Variants in MEGF8 observed in about 807,000 individuals in gnomAD.
MEGF8 encodes the protein multiple epidermal growth factor-like domains protein 8.
In MEGF8, 156 loss-of-function variants were observed where a neutral mutation model predicts 302.9. That is an observed-to-expected ratio of 0.52 (90% confidence interval 0.45 to 0.59). The LOEUF is 0.59. Among genes scored for constraint, MEGF8 ranks in the 20% least tolerant of loss-of-function variants. The probability of loss-of-function intolerance (pLI) is 0.00; values close to 1 mark genes in which losing one functional copy is unlikely to be tolerated. For missense variants in MEGF8, 3,345 were observed against 3,964.5 expected (o/e 0.84, Z 4.20); for synonymous variants, 1,621 against 1,660.5 (o/e 0.98, Z 0.58).
chr19:42,344,649 C>T lies in MEGF8; in HGVS notation c.1934-21C>T. 6.4e-7 allele frequency: 1 copy of T among 1,561,438 alleles called. No homozygotes were observed. The highest frequency in any genetic ancestry group is 8.7e-7 in the Non-Finnish European group (1 of 1,149,904). The stretch of plus-strand genomic sequence containing the variant: ...GAGCACTCCACACTGACCCACCGGC[C>T]CCCACCCCCTGTCTTCTCAGAGCAG... On this transcript the variant is annotated intron_variant, in intron 11 of 41. Transcript: ENST00000251268. The surrounding 1 kb of genome is among the most constrained non-coding windows in gnomAD (Gnocchi z 4.5).
intron 12 of MEGF8, among the ~76,000 whole-genome samples, chr19:42,347,311 C>T (rs1461639512): frequency 6.7e-6 from 1 of 150,328 alleles, no homozygotes; most frequent in Admixed American, 6.6e-5. Context: ...GAAACACTCT[C>T]ATTCTTTTTT....
intron 30 of MEGF8, 69 bp from the exon 31 acceptor site, chr19:42,359,029 G>A (rs2039493769): frequency 2.6e-6 from 4 of 1,550,294 alleles, no homozygotes; most frequent in Non-Finnish European, 3.5e-6. Flanking sequence ...GGTGGCTGGA[G>A]GGCTAAGAGG....
rs1400164468 is a variant in MEGF8 at position 42,356,852 on chromosome 19, C to T, written c.4701C>T (p.Ser1567=). The change falls in exon 27 of 42, where the codon TCC becomes TCT. Residue 1567 remains serine, a synonymous_variant. Transcript: ENST00000251268. The surrounding 1 kb of genome is among the most constrained non-coding windows in gnomAD (Gnocchi z 5.2). ...GGGGCCCAGGCCCATCGCCCCGCTCCTTCCATGCAGCCGCATATGTGCCCG... is the reference window on the plus strand; with the variant it reads ...GGGGCCCAGGCCCATCGCCCCGCTCTTTCCATGCAGCCGCATATGTGCCCG... ...EDGGPGPSPR[S]FHAAAYVPAG... The T allele has an allele frequency of 6.3e-7, 1 of 1,580,004 alleles. No individual in the cohort carries two copies. The highest frequency in any genetic ancestry group is 8.6e-7 in the Non-Finnish European group (1 of 1,163,652).
At chr19:42,346,042 A>G (rs2039284622) in intron 12 of MEGF8, among the ~76,000 whole-genome samples, 1 of 152,138 alleles carries the variant, frequency 6.6e-6, no homozygotes, top group Non-Finnish European at 1.5e-5. Flanking sequence ...CTGGAACTAC[A>G]GGCACTTGCC....
rs1255673005 is a variant in MEGF8, at chr19:42,358,473, G to A, written c.5175+166G>A. ...TCTCCCCCGCTTCCATCCCTGATTT[G>A]GAGGAGAGAACCCGAGGCCAGGAGG... On this transcript the variant is annotated intron_variant, in intron 29 of 41. Transcript: ENST00000251268. This position sits in a 1 kb window ranked among gnomAD's most constrained non-coding sequence, Gnocchi z 4.4. Among the ~76,000 whole-genome samples, 1 of 152,106 alleles carries A rather than the reference G, an allele frequency of 6.6e-6. No homozygotes were observed. The highest frequency in any genetic ancestry group is 1.5e-5 in the Non-Finnish European group (1 of 68,028).
Position 42,362,390 on chromosome 19 carries a change from A to G in MEGF8, c.5851A>G (p.Thr1951Ala). Residue 1951 changes from threonine (T) to alanine (A), a missense_variant, in exon 34 of 42, where the codon ACC becomes GCC. Transcript: ENST00000251268. Reference protein sequence around the residue: ...TLQPGDGEASTPRCKWCTNCP... With the variant: ...TLQPGDGEASAPRCKWCTNCP... ...GCCTGTCTTCCCTCACCAGGCGTCC[A>G]CCCCCCGCTGTAAGTGGTGTACCAA... is the stretch of plus-strand genomic sequence containing the variant. 6.2e-7 allele frequency: 1 copy of G among 1,613,536 alleles called. No individual in the cohort carries two copies. Among genetic ancestry groups the G allele is most frequent in the Non-Finnish European group, 8.5e-7 (1 of 1,179,806 alleles).
Position 42,344,427 on chromosome 19 carries a change from TCTC to T in MEGF8, c.1789-7_1789-5del, listed in dbSNP as rs779507238. 2 of 1,570,512 alleles carry T rather than the reference TCTC, an allele frequency of 1.3e-6. No homozygotes were observed. Among genetic ancestry groups the T allele is most frequent in the South Asian group, 1.1e-5 (1 of 87,858 alleles). ...CCAGTTGACAGTGAGCCCTTTCCCC[TCTC>T]CTCCTCGCAGTGTCCAGCCGCCAGC... On this transcript the variant is annotated splice_polypyrimidine_tract_variant and intron_variant, in intron 10 of 41. Transcript: ENST00000251268. This position sits in a 1 kb window ranked among gnomAD's most constrained non-coding sequence, Gnocchi z 4.5.
Position 42,376,084 on chromosome 19 carries a change from TG to T in MEGF8, c.7848del (p.Leu2617TrpfsTer73). ...AAGTCGAGCCGCTTCTACCTGCTGC[TG>T]CTGGGCGTGGGAGACCCAAGTGGGC... ...ALKSSRFYLL[L>X]LGVGDPSGPG... On this transcript the variant is annotated frameshift_variant, in exon 42 of 42. Transcript: ENST00000251268. LOFTEE classifies it high-confidence loss of function. This position sits in a 1 kb window ranked among gnomAD's most constrained non-coding sequence, Gnocchi z 8.2. 1 of 1,606,172 alleles carries T rather than the reference TG, an allele frequency of 6.2e-7. No homozygotes were observed. The highest frequency in any genetic ancestry group is 8.5e-7 in the Non-Finnish European group (1 of 1,179,570).
chr19:42,342,687 G>T (rs919284775), intron 8 of MEGF8, among the ~76,000 whole-genome samples: 1 of 152,064 alleles, frequency 6.6e-6, no homozygotes, highest in Non-Finnish European at 1.5e-5. Flanking sequence ...AACTGTAGGG[G>T]CTGTCTTCAG....
At chr19:42,330,985 T>C (rs975931669) in intron 1 of MEGF8, among the ~76,000 whole-genome samples, 3 of 151,950 alleles carry the variant, frequency 2.0e-5, no homozygotes, top group Non-Finnish European at 4.4e-5. Flanking sequence ...CCTAGGGTGG[T>C]AGGGAGCCAT....
intron 8 of MEGF8, among the ~76,000 whole-genome samples, chr19:42,342,213 A>G (rs2039224400): frequency 6.6e-6 from 1 of 152,220 alleles, no homozygotes. Flanking sequence ...TACCTGGGCC[A>G]AGTCCCACAC....
rs759863356 is a variant in MEGF8 at position 42,358,993 on chromosome 19, G to A, written c.5343+39G>A. 2.7e-5 allele frequency: 43 copies of A among 1,583,496 alleles called. No individual in the cohort carries two copies. The highest frequency in any genetic ancestry group is 3.6e-5 in the Non-Finnish European group (42 of 1,164,908). ...AGGGTTAGGATTGGGTGGGCTGGTAGGGGGGGATAGGTAGGGAAGTACAGG... is the reference window on the plus strand; with the variant it reads ...AGGGTTAGGATTGGGTGGGCTGGTAAGGGGGGATAGGTAGGGAAGTACAGG... On this transcript the variant is annotated intron_variant, in intron 30 of 41. Transcript: ENST00000251268. The surrounding 1 kb of genome is among the most constrained non-coding windows in gnomAD (Gnocchi z 4.4).
Position 42,368,237 on chromosome 19 carries a change from C to T in MEGF8, c.6274-218C>T, listed in dbSNP as rs765351805. ...CCAGGCAACCTTCCAGTTTCAAGATCCTCCCCAGCCTGACTTCCCGCCTTG... is the reference window on the plus strand; with the variant it reads ...CCAGGCAACCTTCCAGTTTCAAGATTCTCCCCAGCCTGACTTCCCGCCTTG... On this transcript the variant is annotated intron_variant, in intron 35 of 41. Coordinates refer to ENST00000251268, the MANE Select transcript of MEGF8 (RefSeq NM_001271938.2). The surrounding 1 kb of genome is among the most constrained non-coding windows in gnomAD (Gnocchi z 4.9). Among the ~76,000 whole-genome samples the T allele has an allele frequency of 6.6e-6, 1 of 152,184 alleles. No individual in the cohort carries two copies. The highest frequency in any genetic ancestry group is 2.1e-4 in the South Asian group (1 of 4,814).
At chr19:42,348,241 C>T in intron 12 of MEGF8, 31 bp from the exon 13 acceptor site, 1 of 1,512,180 alleles carries the variant, frequency 6.6e-7, no homozygotes, top group South Asian at 1.2e-5. Flanking sequence ...CAGAAAGGGA[C>T]TCACACATAC....
chr19:42,351,789 G>T lies in MEGF8; in HGVS notation c.3101+28G>T, dbSNP rs2039378010. The T allele has an allele frequency of 6.5e-7, 1 of 1,531,904 alleles. No individual in the cohort carries two copies. Among genetic ancestry groups the T allele is most frequent in the Non-Finnish European group, 8.9e-7 (1 of 1,129,326 alleles). 94.9% of individuals were successfully genotyped at this position (1,531,904 alleles called of 1,614,324 possible). Reference sequence around the variant, plus strand: ...GAGCCCGGGCAGGTGGGTGGGCAGGGTGCCCGGCTGTGTCCTTCCTCCATG... The same window carrying T: ...GAGCCCGGGCAGGTGGGTGGGCAGGTTGCCCGGCTGTGTCCTTCCTCCATG... On this transcript the variant is annotated intron_variant, in intron 18 of 41. Coordinates refer to ENST00000251268, the MANE Select transcript of MEGF8 (RefSeq NM_001271938.2). This position sits in a 1 kb window ranked among gnomAD's most constrained non-coding sequence, Gnocchi z 5.6.
chr19:42,345,266 C>G (rs1485029927), intron 12 of MEGF8, among the ~76,000 whole-genome samples: 2 of 152,252 alleles, frequency 1.3e-5, no homozygotes, highest in African/African-American at 4.8e-5. Flanking sequence ...GCCGCTGTGC[C>G]TGGCCTCCTT....
chr19:42,328,837 C>T (rs572785357), intron 1 of MEGF8, among the ~76,000 whole-genome samples: 11 of 151,778 alleles, frequency 7.2e-5, no homozygotes, highest in African/African-American at 1.2e-4. Flanking sequence ...GGTGACAGAG[C>T]GAGACTCTAC....
intron 15 of MEGF8, 113 bp downstream of exon 15, chr19:42,350,497 C>A: frequency 2.1e-6 from 2 of 968,424 alleles, no homozygotes; most frequent in Non-Finnish European, 3.0e-6. Context: ...GGGCTTTTGG[C>A]CTTGATCTGC....
intron 41 of MEGF8, among the ~76,000 whole-genome samples, chr19:42,374,451 A>G (rs1387431057): frequency 6.7e-6 from 1 of 149,712 alleles, no homozygotes; most frequent in Non-Finnish European, 1.5e-5. Context: ...AGCCTGGGCA[A>G]CAGAGCGAGA....
Sources: gnomAD v4.1 joint callset for allele counts (sites outside exome capture counted in the v4.1 genomes callset) on GRCh38, gnomAD v4.1.1 for gene constraint, Gnocchi (gnomAD v3.1) non-coding constraint, MANE v1.5 for transcripts, NCBI Gene and HGNC (gene_info 2026-07-23, HGNC 2026-07-21) for gene names.